GAS2: variants seen among roughly 807,000 people sequenced by gnomAD.
GAS2 encodes the protein growth arrest-specific protein 2.
Under a neutral mutation model 37.5 loss-of-function variants are expected in GAS2, and 20 were observed. That is an observed-to-expected ratio of 0.53 (90% CI 0.37 to 0.77). The LOEUF (loss-of-function observed/expected upper bound fraction) is 0.77, where lower values mean the gene tolerates loss of function less well. Ranked by LOEUF, GAS2 falls within the 30% of genes least tolerant of loss-of-function variation. The pLI is 0.00. For synonymous variants in GAS2, 144 were observed against 132.2 expected, an observed-to-expected ratio of 1.09 and a Z score of -0.61; for missense variants, 336 against 373.4, an observed-to-expected ratio of 0.90 and a Z score of 0.82.
chr11:22,785,118 C>T (rs538556354), intron 7 of GAS2, among the ~76,000 whole-genome samples: 17 of 152,166 alleles, frequency 1.1e-4, no homozygotes, highest in Admixed American at 8.5e-4. Context: ...CTGTGTGAGT[C>T]GTGGATGTTT....
intron 1 of GAS2, among the ~76,000 whole-genome samples, chr11:22,652,993 G>GTCTCTCTTTCTTTCTTTCTT (rs1554965874): frequency 3.1e-5 from 3 of 97,114 alleles, no homozygotes; most frequent in East Asian, 4.8e-4. Flanking sequence ...TTCTTTCTTT[G>GTCTCTCTTTCTTTCTTTCTT]TCTTTCTTTC....
At chr11:22,731,130 T>C (rs1011790882) in intron 4 of GAS2, among the ~76,000 whole-genome samples, 5 of 151,880 alleles carry the variant, frequency 3.3e-5, no homozygotes, top group Non-Finnish European at 7.4e-5. Context: ...AGTTTATTAT[T>C]TGTAATTTGC....
At position 22,707,922 on chromosome 11, in the gene GAS2, G is replaced by A. The variant is rs544006613; in HGVS notation, c.268-18370G>A. 7.2e-5 allele frequency among the ~76,000 whole-genome samples: 11 copies of A among 152,206 alleles called. No individual in the cohort carries two copies. The East Asian group carries it at 1.9e-3, about 27-fold the overall frequency. On this transcript the variant is annotated intron_variant, in intron 3 of 7. Coordinates refer to ENST00000454584, the MANE Select transcript of GAS2 (RefSeq NM_001143830.3). ...GGTTGATGTGTATGCATATTAAGTT[G>A]GAGAAATTTGAGACAGGAAACAGGA...
chr11:22,633,126 T>C (rs1324559047), intron 1 of GAS2, among the ~76,000 whole-genome samples: 2 of 152,230 alleles, frequency 1.3e-5, no homozygotes, highest in African/African-American at 2.4e-5. Context: ...TGTTATAGAA[T>C]CATGTTTTTA....
chr11:22,626,785 AAGGGGAAGAGAAACAAATTTAAAAG>A (rs1207115191), intron 1 of GAS2: 11 of 152,232 alleles, frequency 7.2e-5, no homozygotes, highest in Non-Finnish European at 1.5e-4. Context: ...CTTTAACAAA[AAGGGGAAGAGAAACAAATTTAAAAG>A]AGGGGAAGAG....
chr11:22,785,656 T>A (rs1027955457), intron 7 of GAS2, among the ~76,000 whole-genome samples: 6 of 152,252 alleles, frequency 3.9e-5, no homozygotes, highest in East Asian at 1.9e-4. Flanking sequence ...ACCTTTTTTT[T>A]AAACTATATC....
chr11:22,690,127 C>A (rs1850168643), intron 3 of GAS2, among the ~76,000 whole-genome samples: 1 of 152,054 alleles, frequency 6.6e-6, no homozygotes, highest in African/African-American at 2.4e-5. Flanking sequence ...GGAGATTTTA[C>A]AGCTGTGTAA....
intron 5 of GAS2, among the ~76,000 whole-genome samples, chr11:22,741,796 T>A (rs138010077): frequency 0.014 from 2,101 of 152,252 alleles, 57 homozygotes; most frequent in African/African-American, 0.048. Flanking sequence ...TAAATTGCTT[T>A]AAAACAGAAG....
intron 6 of GAS2, 81 bp downstream of exon 6, chr11:22,749,342 G>A: frequency 7.9e-7 from 1 of 1,271,592 alleles, no homozygotes; most frequent in Non-Finnish European, 1.1e-6. Flanking sequence ...TCTCGTATCA[G>A]TCTAATCTTT....
At chr11:22,748,649 A>G (rs1853546930) in intron 5 of GAS2, among the ~76,000 whole-genome samples, 1 of 152,046 alleles carries the variant, frequency 6.6e-6, no homozygotes, top group Non-Finnish European at 1.5e-5. Context: ...ATTCAAAGTT[A>G]ATTCTTTTCT....
At chr11:22,751,909 T>G (rs1474673129) in intron 6 of GAS2, among the ~76,000 whole-genome samples, 1 of 152,022 alleles carries the variant, frequency 6.6e-6, no homozygotes, top group Non-Finnish European at 1.5e-5. Flanking sequence ...AATTGTATGC[T>G]CTCAGTTGAG....
At chr11:22,799,663 A>G (rs567848358) in intron 7 of GAS2, among the ~76,000 whole-genome samples, 2 of 152,170 alleles carry the variant, frequency 1.3e-5, no homozygotes, top group African/African-American at 4.8e-5. Flanking sequence ...CTCTTTCTAA[A>G]TAAGGGCATA....
At chr11:22,638,068 C>T (rs1236882535) in intron 1 of GAS2, among the ~76,000 whole-genome samples, 1 of 151,918 alleles carries the variant, frequency 6.6e-6, no homozygotes. Flanking sequence ...ACTCAATGAA[C>T]ATTGGCTATT....
At chr11:22,647,620 T>C (rs1469929870) in intron 1 of GAS2, among the ~76,000 whole-genome samples, 1 of 152,196 alleles carries the variant, frequency 6.6e-6, no homozygotes, top group Non-Finnish European at 1.5e-5. Flanking sequence ...CCATTCTAAC[T>C]GGTGTGAGAC....
intron 4 of GAS2, among the ~76,000 whole-genome samples, chr11:22,732,811 T>TCATCATCAG (rs1386583754): frequency 2.7e-5 from 4 of 148,566 alleles, no homozygotes; most frequent in Non-Finnish European, 6.0e-5. Flanking sequence ...ATCATCATCA[T>TCATCATCAG]CACCACCACC....
chr11:22,725,254 C>A (rs1852145263), intron 3 of GAS2, among the ~76,000 whole-genome samples: 1 of 151,966 alleles, frequency 6.6e-6, no homozygotes, highest in African/African-American at 2.4e-5. Flanking sequence ...AAAAGTCTAT[C>A]CAGGTTCACC....
In GAS2 at chr11:22,737,706, C is replaced by T. The variant is rs1372883690; in HGVS notation, c.411C>T (p.Val137=). 4 of 1,614,086 alleles carry T rather than the reference C, an allele frequency of 2.5e-6. No individual in the cohort carries two copies. Among genetic ancestry groups the T allele is most frequent in the Non-Finnish European group, 8.5e-7 (1 of 1,179,972 alleles). ...ETCLFESEGL[V]LHKQPREVCL... ...GTTCGCCTCTGTCTTGTCTTTCAGTCCTCCACAAGCAACCCAGAGAAGTGT... is the reference window on the plus strand; with the variant it reads ...GTTCGCCTCTGTCTTGTCTTTCAGTTCTCCACAAGCAACCCAGAGAAGTGT... The change falls in exon 5 of 8, where the codon GTC becomes GTT. Residue 137 remains valine (V), a splice_region_variant and synonymous_variant. Coordinates refer to ENST00000454584, the MANE Select transcript of GAS2 (RefSeq NM_001143830.3).
At chr11:22,801,658 A>G (rs1447893594) in intron 7 of GAS2, among the ~76,000 whole-genome samples, 1 of 152,088 alleles carries the variant, frequency 6.6e-6, no homozygotes, top group Non-Finnish European at 1.5e-5. Context: ...CCTTAATTCT[A>G]AGGTCATATG....
chr11:22,677,830 G>A (rs1590615654), intron 2 of GAS2, among the ~76,000 whole-genome samples: 1 of 152,086 alleles, frequency 6.6e-6, no homozygotes, highest in African/African-American at 2.4e-5. Context: ...TAAAATGAAG[G>A]GGTTGAAGTA....
Sources: gnomAD v4.1 joint callset for allele counts (sites outside exome capture counted in the v4.1 genomes callset) on GRCh38, gnomAD v4.1.1 for gene constraint, MANE v1.5 for transcripts, NCBI Gene and HGNC (gene_info 2026-07-23, HGNC 2026-07-21) for gene names.